KCNH7: variants seen among roughly 807,000 people sequenced by gnomAD.
KCNH7 encodes the protein potassium voltage-gated channel subfamily H member 7.
KCNH7 carries 49 observed loss-of-function variants against 120.8 expected under a neutral mutation model. The ratio of observed to expected loss-of-function variants is 0.41; its 90% confidence interval spans 0.32 to 0.51. The LOEUF is 0.51. Among genes scored for constraint, KCNH7 ranks in the 20% least tolerant of loss-of-function variants. KCNH7 has a pLI of 0.38. For synonymous variants in KCNH7, 547 were observed against 516.1 expected, an observed-to-expected ratio of 1.06 and a Z score of -0.81; for missense variants, 1,097 against 1,446.6, an observed-to-expected ratio of 0.76 and a Z score of 3.92.
At position 162,373,452 on chromosome 2, in the gene KCNH7, G is replaced by T. The variant is rs997028679; in HGVS notation, c.3324+18C>A. The T allele has an allele frequency of 4.7e-6, 7 of 1,477,068 alleles. No individual in the cohort carries two copies. Among genetic ancestry groups the T allele is most frequent in the Non-Finnish European group, 6.3e-6 (7 of 1,105,828 alleles). The allele number at this position is 1,477,068 out of a possible 1,614,324, so 91.5% of individuals were successfully genotyped here. On this transcript the variant is annotated intron_variant, in intron 15 of 15. Coordinates refer to ENST00000332142, the MANE Select transcript of KCNH7 (RefSeq NM_033272.4). ...ACACTGTGAGAGACACTCTTGGTTG[G>T]ATGGTATCCACACTTACTTGTGAGG...
At chr2:162,405,184 T>C (rs1687173746) in intron 9 of KCNH7, among the ~76,000 whole-genome samples, 1 of 152,034 alleles carries the variant, frequency 6.6e-6, no homozygotes, top group Non-Finnish European at 1.5e-5. Flanking sequence ...ATTTTACACA[T>C]GTATTAACTT....
Position 162,517,664 on chromosome 2 carries a change from C to A in KCNH7, c.892+66G>T. Reference sequence around the variant, plus strand: ...CAGAGATTATTGTTGAAATTTCAAACAATATGCAAATAATCATTTATTACC... The same window carrying A: ...CAGAGATTATTGTTGAAATTTCAAAAAATATGCAAATAATCATTTATTACC... On this transcript the variant is annotated intron_variant, in intron 4 of 15. Coordinates refer to ENST00000332142, the MANE Select transcript of KCNH7 (RefSeq NM_033272.4). 3.0e-6 allele frequency: 4 copies of A among 1,312,346 alleles called. No individual in the cohort carries two copies. In the South Asian group the frequency reaches 6.2e-5, roughly 20 times the overall value. The allele number at this position is 1,312,346 out of a possible 1,614,324, so 81.3% of individuals were successfully genotyped here.
chr2:162,622,156 A>G lies in KCNH7; in HGVS notation c.308-85076T>C, dbSNP rs558547098. The stretch of plus-strand genomic sequence containing the variant: ...TGCCATTCTTATGCATAGTTATCAA[A>G]TATACAATACTTCTGTGTGTGCTGC... On this transcript the variant is annotated intron_variant, in intron 2 of 15. Coordinates refer to ENST00000332142, the MANE Select transcript of KCNH7 (RefSeq NM_033272.4). Among the ~76,000 whole-genome samples the G allele has an allele frequency of 2.0e-5, 3 of 152,346 alleles. No individual in the cohort carries two copies. In the South Asian group the frequency reaches 6.2e-4, roughly 32 times the overall value.
At chr2:162,734,046 T>C (rs1374049360) in intron 2 of KCNH7, among the ~76,000 whole-genome samples, 1 of 152,184 alleles carries the variant, frequency 6.6e-6, no homozygotes, top group Non-Finnish European at 1.5e-5. Flanking sequence ...GCAGTGACTA[T>C]AATTTGAATG....
At chr2:162,455,524 C>T (rs1029941877) in intron 6 of KCNH7, among the ~76,000 whole-genome samples, 1 of 152,156 alleles carries the variant, frequency 6.6e-6, no homozygotes, top group Non-Finnish European at 1.5e-5. Flanking sequence ...ACCAGCTCCT[C>T]TTTGTACCTC....
chr2:162,511,480 C>CA lies in KCNH7; in HGVS notation c.913+1173dup, dbSNP rs34204046. On this transcript the variant is annotated intron_variant, in intron 5 of 15. Coordinates refer to ENST00000332142, the MANE Select transcript of KCNH7 (RefSeq NM_033272.4). ...CTTTTAGAAATCACAGTGGACAGGT[C>CA]AAAAAAAAAAAAAAAAAAAAAGAAC... Among the ~76,000 whole-genome samples, 560 of 95,962 alleles carry CA rather than the reference C, an allele frequency of 5.8e-3. 8 individuals carry two copies. The highest frequency in any genetic ancestry group is 0.02 in the African/African-American group (523 of 26,460). The allele number at this position is 95,962 out of a possible 152,430, so 63.0% of individuals were successfully genotyped here. A position where few individuals can be genotyped will look rare whatever the true frequency, so the allele number is the denominator to read the frequency against.
At chr2:162,394,083 C>A (rs1281539350) in intron 12 of KCNH7, among the ~76,000 whole-genome samples, 2 of 151,944 alleles carry the variant, frequency 1.3e-5, no homozygotes, top group Non-Finnish European at 2.9e-5. Flanking sequence ...CTTGAAATGA[C>A]AGCCCTCTTT....
At chr2:162,608,553 G>A (rs746949545) in intron 2 of KCNH7, among the ~76,000 whole-genome samples, 1 of 152,134 alleles carries the variant, frequency 6.6e-6, no homozygotes, top group Non-Finnish European at 1.5e-5. Flanking sequence ...TAGGAGAAAG[G>A]TATGTTTGGA....
At chr2:162,634,412 GA>G (rs1683882893) in intron 2 of KCNH7, among the ~76,000 whole-genome samples, 1 of 151,930 alleles carries the variant, frequency 6.6e-6, no homozygotes, top group Admixed American at 6.6e-5. Flanking sequence ...ACAAAGGGCA[GA>G]AAAAATATTG....
rs191003675 is a variant in KCNH7, at chr2:162,542,683, C to T, written c.308-5603G>A. 4.6e-3 allele frequency among the ~76,000 whole-genome samples: 704 copies of T among 152,108 alleles called. 2 individuals carry two copies. Among genetic ancestry groups the T allele is most frequent in the Admixed American group, 9.4e-3 (143 of 15,260 alleles). On this transcript the variant is annotated intron_variant, in intron 2 of 15. Coordinates refer to ENST00000332142, the MANE Select transcript of KCNH7 (RefSeq NM_033272.4). ...CATTTGGGTTGGTTCCAAGTCTTTG[C>T]TATTGTGAATAGTGCCGCAATAAAC...
intron 2 of KCNH7, among the ~76,000 whole-genome samples, chr2:162,681,808 T>C (rs1160186055): frequency 7.0e-6 from 1 of 143,396 alleles, no homozygotes; most frequent in East Asian, 2.2e-4. Flanking sequence ...TTGGGGTCTG[T>C]GATTTTTTTT....
chr2:162,562,648 G>A (rs1395805143), intron 2 of KCNH7, among the ~76,000 whole-genome samples: 3 of 152,202 alleles, frequency 2.0e-5, no homozygotes, highest in African/African-American at 2.4e-5. Context: ...CCTGGGCTTT[G>A]AGGAAGCTGA....
At chr2:162,615,019 A>G (rs1683096994) in intron 2 of KCNH7, among the ~76,000 whole-genome samples, 2 of 152,224 alleles carry the variant, frequency 1.3e-5, no homozygotes, top group Non-Finnish European at 1.5e-5. Context: ...AATGTAAGAC[A>G]TCGTTCAGAT....
chr2:162,569,724 G>A (rs992285062), intron 2 of KCNH7, among the ~76,000 whole-genome samples: 1 of 151,922 alleles, frequency 6.6e-6, no homozygotes, highest in Non-Finnish European at 1.5e-5. Context: ...ATTCTGGTAT[G>A]TTCTGTCTTT....
chr2:162,396,636 A>T, intron 11 of KCNH7, 104 bp downstream of exon 11: 1 of 768,902 alleles, frequency 1.3e-6, no homozygotes, highest in South Asian at 1.9e-5. Context: ...GAATTGGTAA[A>T]GTCTTGCTGC....
intron 6 of KCNH7, among the ~76,000 whole-genome samples, chr2:162,495,313 G>A (rs979553287): frequency 6.6e-6 from 1 of 152,054 alleles, no homozygotes; most frequent in Non-Finnish European, 1.5e-5. Flanking sequence ...TTCCTAACCT[G>A]TGGTGAGTAA....
At chr2:162,692,346 C>T (rs919201012) in intron 2 of KCNH7, among the ~76,000 whole-genome samples, 1 of 152,030 alleles carries the variant, frequency 6.6e-6, no homozygotes, top group Non-Finnish European at 1.5e-5. Flanking sequence ...AGGATGATCT[C>T]CTACCCACCA....
At chr2:162,713,448 TA>T (rs1323331263) in intron 2 of KCNH7, among the ~76,000 whole-genome samples, 18 of 152,160 alleles carry the variant, frequency 1.2e-4, no homozygotes. Flanking sequence ...TTAAGAAAGA[TA>T]AAAAATGAGG....
chr2:162,442,025 T>C (rs1383276799), intron 7 of KCNH7, among the ~76,000 whole-genome samples: 1 of 120,300 alleles, frequency 8.3e-6, no homozygotes, highest in African/African-American at 3.3e-5. Context: ...TTTTTTTTTT[T>C]TTTTTTTTTG....
Sources: gnomAD v4.1 joint callset for allele counts (sites outside exome capture counted in the v4.1 genomes callset) on GRCh38, gnomAD v4.1.1 for gene constraint, MANE v1.5 for transcripts, NCBI Gene and HGNC (gene_info 2026-07-23, HGNC 2026-07-21) for gene names.